The following CTNNA1 variants were observed in gnomAD, a reference collection of about 807,000 sequenced individuals.
The protein encoded by CTNNA1 is catenin alpha 1, also known as catenin alpha-1.
A neutral mutation model predicts 98.4 loss-of-function variants in CTNNA1; 37 were observed. The ratio of observed to expected loss-of-function variants is 0.38; its 90% CI spans 0.29 to 0.49. The LOEUF (loss-of-function observed/expected upper bound fraction) is 0.49. CTNNA1 is among the 20% of genes least tolerant of loss of function. The probability of loss-of-function intolerance (pLI) is 0.95; values close to 1 mark genes in which losing one functional copy is unlikely to be tolerated. For missense variants in CTNNA1, 761 were observed against 1,147.2 expected (o/e 0.66, Z 4.86); for synonymous variants, 404 against 413.2 (o/e 0.98, Z 0.27).
chr5:138,763,297 G>A (rs1448718735), intron 1 of CTNNA1, among the ~76,000 whole-genome samples: 1 of 152,210 alleles, frequency 6.6e-6, no homozygotes, highest in African/African-American at 2.4e-5. Context: ...TTGAGCCTTT[G>A]ATAGTGCATT....
intron 1 of CTNNA1, among the ~76,000 whole-genome samples, chr5:138,779,737 A>T (rs1349406465): frequency 1.3e-5 from 2 of 149,072 alleles, no homozygotes; most frequent in Non-Finnish European, 3.0e-5. Flanking sequence ...TTTTTTTGAG[A>T]CAAGAGCTTG....
intron 3 of CTNNA1, among the ~76,000 whole-genome samples, chr5:138,802,717 A>G (rs1454163753): frequency 1.3e-5 from 2 of 152,134 alleles, no homozygotes; most frequent in Non-Finnish European, 2.9e-5. Context: ...GGAACCTGAG[A>G]CTATTAAGTG....
intron 10 of CTNNA1, among the ~76,000 whole-genome samples, chr5:138,905,474 C>G (rs769517280): frequency 6.6e-6 from 1 of 152,184 alleles, no homozygotes; most frequent in African/African-American, 2.4e-5. Context: ...GTATTTGGGT[C>G]TCTGTGTTGG....
chr5:138,798,633 A>G (rs555648115), intron 3 of CTNNA1, among the ~76,000 whole-genome samples: 2 of 152,324 alleles, frequency 1.3e-5, no homozygotes, highest in African/African-American at 2.4e-5. Context: ...CTAATAAAGA[A>G]TTGTGGGTTT....
intron 5 of CTNNA1, among the ~76,000 whole-genome samples, chr5:138,812,946 A>T (rs1758995546): frequency 6.6e-6 from 1 of 152,234 alleles, no homozygotes; most frequent in South Asian, 2.1e-4. Context: ...TATCTTTCAT[A>T]GTCCTGATCA....
chr5:138,911,848 A>G (rs1171536695), intron 10 of CTNNA1, among the ~76,000 whole-genome samples: 2 of 152,182 alleles, frequency 1.3e-5, no homozygotes, highest in Admixed American at 1.3e-4. Flanking sequence ...GAGTCTGGAT[A>G]TATTTTGAAG....
intron 1 of CTNNA1, among the ~76,000 whole-genome samples, chr5:138,777,882 AGAGGGAGAG>A (rs1257659995): frequency 5.2e-5 from 2 of 38,198 alleles, no homozygotes; most frequent in Admixed American, 3.9e-4. Flanking sequence ...GGGGAGAGGG[AGAGGGAGAG>A]GAGGGAGAGG....
chr5:138,788,056 C>A (rs1474995216), intron 3 of CTNNA1, among the ~76,000 whole-genome samples: 2 of 152,134 alleles, frequency 1.3e-5, no homozygotes, highest in African/African-American at 2.4e-5. Flanking sequence ...ACATATGCCT[C>A]TTAGATGTGC....
intron 3 of CTNNA1, among the ~76,000 whole-genome samples, chr5:138,792,351 C>T (rs1756474638): frequency 6.6e-6 from 1 of 152,154 alleles, no homozygotes; most frequent in African/African-American, 2.4e-5. Context: ...TGACTAGAGT[C>T]AAGATTGAAG....
At chr5:138,844,939 G>T (rs1466996004) in intron 7 of CTNNA1, among the ~76,000 whole-genome samples, 3 of 152,158 alleles carry the variant, frequency 2.0e-5, no homozygotes, top group African/African-American at 7.2e-5. Flanking sequence ...AGCATAACTG[G>T]CTAGAAGCAG....
At chr5:138,889,838 G>A (rs1754964254) in intron 9 of CTNNA1, among the ~76,000 whole-genome samples, 2 of 152,074 alleles carry the variant, frequency 1.3e-5, no homozygotes, top group African/African-American at 4.8e-5. Context: ...AGAGACACTA[G>A]GATGTATAAT....
At chr5:138,848,478 A>G (rs756514564) in intron 7 of CTNNA1, among the ~76,000 whole-genome samples, 5 of 152,138 alleles carry the variant, frequency 3.3e-5, no homozygotes, top group Non-Finnish European at 7.3e-5. Flanking sequence ...CCAAGAGCTT[A>G]GTTCTCTCTC....
intron 8 of CTNNA1, among the ~76,000 whole-genome samples, chr5:138,886,887 TAAG>T (rs1453819185): frequency 6.6e-6 from 1 of 152,138 alleles, no homozygotes; most frequent in Non-Finnish European, 1.5e-5. Context: ...TATTAAGACT[TAAG>T]AAGTTGTAAT....
chr5:138,765,129 C>T (rs2149588736), intron 1 of CTNNA1, among the ~76,000 whole-genome samples: 1 of 152,096 alleles, frequency 6.6e-6, no homozygotes, highest in Non-Finnish European at 1.5e-5. Context: ...CAACCTCCGC[C>T]TCCCAGGTTC....
intron 7 of CTNNA1, among the ~76,000 whole-genome samples, chr5:138,849,312 T>C (rs1762992658): frequency 1.3e-5 from 2 of 152,266 alleles, no homozygotes; most frequent in Non-Finnish European, 2.9e-5. Flanking sequence ...TGAATAGGGT[T>C]TTGTTGTTTT....
intron 7 of CTNNA1, among the ~76,000 whole-genome samples, chr5:138,879,188 A>AAAAAG (rs1440845846): frequency 2.0e-5 from 3 of 151,302 alleles, no homozygotes; most frequent in Non-Finnish European, 4.4e-5. Context: ...AAAAAAAAAA[A>AAAAAG]AAAAAAAAGC....
chr5:138,780,574 A>G (rs892690791), intron 1 of CTNNA1, among the ~76,000 whole-genome samples: 3 of 151,030 alleles, frequency 2.0e-5, no homozygotes, highest in African/African-American at 7.3e-5. Flanking sequence ...CTGGAGTGCA[A>G]TGGCACAATC....
chr5:138,810,765 C>A (rs960014511), intron 4 of CTNNA1, among the ~76,000 whole-genome samples: 1 of 152,214 alleles, frequency 6.6e-6, no homozygotes, highest in Admixed American at 6.5e-5. Flanking sequence ...TCCACAAAAC[C>A]GCCATTGTCA....
At chr5:138,888,370 A>G (rs188698801) in intron 9 of CTNNA1, among the ~76,000 whole-genome samples, 50 of 152,364 alleles carry the variant, frequency 3.3e-4, no homozygotes, top group Non-Finnish European at 5.6e-4. Flanking sequence ...CAAAATAAGC[A>G]TATATTCAAG....
Sources: gnomAD v4.1 joint callset for allele counts (sites outside exome capture counted in the v4.1 genomes callset) on GRCh38, gnomAD v4.1.1 for gene constraint, MANE v1.5 for transcripts, NCBI Gene and HGNC (gene_info 2026-07-23, HGNC 2026-07-21) for gene names.